Variants in USP15 observed in about 807,000 individuals in gnomAD.
USP15 encodes ubiquitin specific peptidase 15, also known as ubiquitin carboxyl-terminal hydrolase 15.
In USP15, 18 loss-of-function variants were observed where a neutral mutation model predicts 127.1. The ratio of observed to expected loss-of-function variants is 0.14; its 90% CI spans 0.10 to 0.21. The LOEUF is 0.21. Ranked by LOEUF, USP15 falls within the 10% of genes least tolerant of loss-of-function variation. The pLI, the probability that USP15 is intolerant of heterozygous loss-of-function variation, is 1.00. For synonymous variants in USP15, 364 were observed against 393.7 expected (o/e 0.92, Z 0.89); for missense variants, 805 against 1,159.9 (o/e 0.69, Z 4.44).
At chr12:62,352,591 G>A (rs1032511593) in intron 7 of USP15, among the ~76,000 whole-genome samples, 3 of 151,546 alleles carry the variant, frequency 2.0e-5, no homozygotes, top group Non-Finnish European at 2.9e-5. Flanking sequence ...CTTTTTCTTT[G>A]AAATGAAAAT....
At chr12:62,397,140 G>A (rs1179826301) in intron 20 of USP15, among the ~76,000 whole-genome samples, 2 of 152,186 alleles carry the variant, frequency 1.3e-5, no homozygotes, top group African/African-American at 4.8e-5. Flanking sequence ...CACACAGTTG[G>A]ATTCAGTCAG....
rs998614215 is a variant in USP15 at position 62,390,875 on chromosome 12, A to G, written c.1856A>G (p.Lys619Arg). ...LLLLRMCRYV[K>R]ISTETEETEG... ...TGATTTTACTTAAGCCGATATGTCA[A>G]AATATCTACTGAAACTGAAGAAACT... The change falls in exon 15 of 22, where the codon AAA (lysine) becomes AGA (arginine). Residue 619 changes from lysine to arginine, a missense_variant. Around this residue, in one of 11 missense-constraint regions of USP15, gnomAD observed 225 missense variants for 239.5 expected, o/e 0.94. Coordinates refer to ENST00000280377, the MANE Select transcript of USP15 (RefSeq NM_001252078.2). 6.2e-7 allele frequency: 1 copy of G among 1,609,928 alleles called. No homozygotes were observed. Among genetic ancestry groups the G allele is most frequent in the Non-Finnish European group, 8.5e-7 (1 of 1,177,398 alleles).
intron 20 of USP15, among the ~76,000 whole-genome samples, chr12:62,400,611 G>A (rs547327207): frequency 2.5e-5 from 3 of 120,352 alleles, no homozygotes; most frequent in Admixed American, 1.5e-4. Context: ...AGATTCTGGT[G>A]TTAAAAAAAA....
chr12:62,260,590 A>ACAGGTGCGGG, intron 1 of USP15, 87 bp downstream of exon 1: 2 of 1,335,470 alleles, frequency 1.5e-6, no homozygotes, highest in South Asian at 1.4e-5. Flanking sequence ...TTCGCTAGTG[A>ACAGGTGCGGG]CAGGTGCGGG....
At chr12:62,301,390 T>A (rs2137188977) in intron 2 of USP15, among the ~76,000 whole-genome samples, 1 of 152,312 alleles carries the variant, frequency 6.6e-6, no homozygotes, top group East Asian at 1.9e-4. Flanking sequence ...TGTACACAAA[T>A]GGTCATACAG....
rs1198922951 is a variant in USP15, at chr12:62,405,439, G to T, written c.*1064G>T. 6.6e-6 allele frequency: 1 copy of T among 152,558 alleles called. No individual in the cohort carries two copies. The highest frequency in any genetic ancestry group is 2.4e-5 in the African/African-American group (1 of 41,436). The allele number at this position is 152,558 out of a possible 1,614,324, so 9.5% of individuals were successfully genotyped here. On this transcript the variant is annotated 3_prime_UTR_variant, in exon 22 of 22. Transcript: ENST00000280377. ...TACAGCTTTTCTCAGAAGGTAACTT[G>T]TTATAAGAGAAATGGCATTTGCATG...
At chr12:62,273,725 G>A (rs1018347591) in intron 1 of USP15, among the ~76,000 whole-genome samples, 1 of 152,148 alleles carries the variant, frequency 6.6e-6, no homozygotes, top group South Asian at 2.1e-4. Context: ...TTGTGTGTGT[G>A]TGATCTTTAT....
intron 3 of USP15, among the ~76,000 whole-genome samples, chr12:62,308,659 A>G (rs2064560657): frequency 6.6e-6 from 1 of 152,152 alleles, no homozygotes; most frequent in Non-Finnish European, 1.5e-5. Flanking sequence ...ACCATAACCT[A>G]ATTGACATGT....
At chr12:62,287,210 C>G (rs2063813640) in intron 1 of USP15, among the ~76,000 whole-genome samples, 1 of 152,058 alleles carries the variant, frequency 6.6e-6, no homozygotes, top group South Asian at 2.1e-4. Context: ...AAAAAAACCT[C>G]TCAGGTACCG....
At chr12:62,317,219 G>C (rs563186988) in intron 4 of USP15, among the ~76,000 whole-genome samples, 4 of 152,268 alleles carry the variant, frequency 2.6e-5, no homozygotes, top group African/African-American at 7.2e-5. Flanking sequence ...AATTAGTCAA[G>C]TCAGGAATTT....
intron 3 of USP15, chr12:62,312,161 T>C (rs1315758960): frequency 6.3e-6 from 1 of 159,286 alleles, no homozygotes; most frequent in Non-Finnish European, 1.4e-5. Flanking sequence ...AATAAATGCT[T>C]TTAAAATGAA....
intron 5 of USP15, among the ~76,000 whole-genome samples, chr12:62,323,622 GCT>G (rs2065047891): frequency 6.6e-6 from 1 of 152,162 alleles, no homozygotes; most frequent in Admixed American, 6.6e-5. Flanking sequence ...TATGTAGCCA[GCT>G]CTCTCTTTCT....
intron 6 of USP15, among the ~76,000 whole-genome samples, chr12:62,346,556 G>A (rs950692710): frequency 7.2e-5 from 11 of 152,172 alleles, no homozygotes; most frequent in African/African-American, 2.4e-4. Flanking sequence ...AAACATCCAA[G>A]ATATGTTGCC....
intron 6 of USP15, among the ~76,000 whole-genome samples, chr12:62,332,121 G>A (rs1472521747): frequency 2.6e-5 from 4 of 150,954 alleles, no homozygotes; most frequent in Admixed American, 1.3e-4. Context: ...CTGAGATCGC[G>A]CCAGTGCACT....
chr12:62,303,246 T>C (rs1050000190), intron 3 of USP15: 1 of 166,876 alleles, frequency 6.0e-6, no homozygotes, highest in Non-Finnish European at 1.3e-5. Context: ...AACCTGACCC[T>C]GTTTTCTGTG....
chr12:62,357,033 C>G (rs2066152293), intron 8 of USP15, among the ~76,000 whole-genome samples: 1 of 151,990 alleles, frequency 6.6e-6, no homozygotes, highest in African/African-American at 2.4e-5. Context: ...GTTCCAGATG[C>G]TTGATATCAG....
chr12:62,315,338 A>G (rs2064802418), intron 4 of USP15, among the ~76,000 whole-genome samples: 1 of 152,038 alleles, frequency 6.6e-6, no homozygotes, highest in South Asian at 2.1e-4. Flanking sequence ...CGTTATTTTG[A>G]CACATTGATT....
Position 62,314,754 on chromosome 12 carries a change from T to G in USP15, c.349-36T>G, listed in dbSNP as rs371240597. On this transcript the variant is annotated intron_variant, in intron 3 of 21. Transcript: ENST00000280377. ...GTTATTAGAGTGAAATATATTGATA[T>G]AGGTGACACTGATTTGTTTTGTTTC... The G allele has an allele frequency of 4.0e-6, 6 of 1,483,418 alleles. No individual in the cohort carries two copies. In the African/African-American group the frequency reaches 7.1e-5, roughly 18 times the overall value. The allele number at this position is 1,483,418 out of a possible 1,614,324, so 91.9% of individuals were successfully genotyped here. A position where few individuals can be genotyped will look rare whatever the true frequency, so the allele number is the denominator to read the frequency against.
intron 5 of USP15, among the ~76,000 whole-genome samples, chr12:62,324,437 A>G (rs1027652353): frequency 1.3e-5 from 2 of 152,050 alleles, no homozygotes; most frequent in African/African-American, 2.4e-5. Flanking sequence ...ATTTATACAT[A>G]TAGTTAATAT....
Sources: gnomAD v4.1 joint callset for allele counts (sites outside exome capture counted in the v4.1 genomes callset) on GRCh38, gnomAD v4.1.1 for gene constraint, gnomAD v4.1.1 regional missense constraint, MANE v1.5 for transcripts, NCBI Gene and HGNC (gene_info 2026-07-23, HGNC 2026-07-21) for gene names.